The following CYB5R4 variants were observed in gnomAD, a reference collection of about 807,000 sequenced individuals.
CYB5R4 encodes N-terminal cytochrome b5 and cytochrome b5 oxidoreductase domain-containing protein.
In CYB5R4, 55 loss-of-function variants were observed where a neutral mutation model predicts 70.2. The ratio of observed to expected loss-of-function variants is 0.78; its 90% confidence interval spans 0.63 to 0.98. The LOEUF (loss-of-function observed/expected upper bound fraction) is 0.98. Among genes scored for constraint, CYB5R4 ranks in the 50% least tolerant of loss-of-function variants. The probability of loss-of-function intolerance (pLI) is 0.00; values close to 1 mark genes in which losing one functional copy is unlikely to be tolerated. For missense variants in CYB5R4, 562 were observed against 612.6 expected (o/e 0.92, Z 0.87); for synonymous variants, 197 against 199.5 (o/e 0.99, Z 0.11).
At position 83,922,438 on chromosome 6, in the gene CYB5R4, G is replaced by A. The variant is rs777331832; in HGVS notation, c.659G>A (p.Gly220Glu). 4 of 1,612,358 alleles carry A rather than the reference G, an allele frequency of 2.5e-6. No individual in the cohort carries two copies. Among genetic ancestry groups the A allele is most frequent in the Non-Finnish European group, 3.4e-6 (4 of 1,179,320 alleles). The change falls in exon 9 of 16, where the codon GGG (glycine) becomes GAG (glutamate). Residue 220 changes from glycine (G) to glutamate (E), a missense_variant and splice_region_variant. Coordinates refer to ENST00000369681, the MANE Select transcript of CYB5R4 (RefSeq NM_016230.4). ...AACTAAATAAATTTGTCTGTCCTAGGGCTAAGCCATGAGGTTCAGGAAGAT... is the reference window on the plus strand; with the variant it reads ...AACTAAATAAATTTGTCTGTCCTAGAGCTAAGCCATGAGGTTCAGGAAGAT... ...IKDCLYLIHI[G>E]LSHEVQEDFS...
rs1337531186 is a variant in CYB5R4 at position 83,940,180 on chromosome 6, T to C, written c.1233T>C (p.Tyr411=). Residue 411 remains tyrosine (Y), a synonymous_variant, in exon 13 of 16, where the codon TAT becomes TAC. Transcript: ENST00000369681. Reference sequence around the variant, plus strand: ...CACCAATGGTTAAAATACTGAATTATGCTTTGACTGATATACCCAGTCTCA... The same window carrying C: ...CACCAATGGTTAAAATACTGAATTACGCTTTGACTGATATACCCAGTCTCA... ...GFTPMVKILN[Y]ALTDIPSLRK... is the part of the protein sequence containing the mutation. 1.9e-6 allele frequency: 3 copies of C among 1,609,616 alleles called. No homozygotes were observed. The highest frequency in any genetic ancestry group is 8.5e-7 in the Non-Finnish European group (1 of 1,177,826).
intron 9 of CYB5R4, 140 bp downstream of exon 9, chr6:83,922,610 A>G (rs2099466565): frequency 3.3e-6 from 2 of 612,838 alleles, no homozygotes; most frequent in Non-Finnish European, 2.8e-6. Context: ...CAAAGATGTG[A>G]TGTTTTCTCT....
At chr6:83,916,447 GCTT>G (rs2099465528) in intron 5 of CYB5R4, among the ~76,000 whole-genome samples, 1 of 152,096 alleles carries the variant, frequency 6.6e-6, no homozygotes, top group African/African-American at 2.4e-5. Context: ...ATCTTTCAGT[GCTT>G]CTTAATTTAA....
chr6:83,860,319 G>A (rs1267796214), intron 1 of CYB5R4, among the ~76,000 whole-genome samples: 8 of 152,136 alleles, frequency 5.3e-5, no homozygotes, highest in Non-Finnish European at 2.9e-5. Context: ...GTCCGTGCAA[G>A]GATGGGGACT....
intron 2 of CYB5R4, among the ~76,000 whole-genome samples, chr6:83,868,688 T>G (rs2099457111): frequency 6.6e-6 from 1 of 152,220 alleles, no homozygotes; most frequent in Non-Finnish European, 1.5e-5. Context: ...CTCCCTCTCT[T>G]TCTCAAGAAC....
intron 10 of CYB5R4, among the ~76,000 whole-genome samples, chr6:83,930,422 A>C (rs1049488235): frequency 6.6e-6 from 1 of 152,210 alleles, no homozygotes; most frequent in Non-Finnish European, 1.5e-5. Context: ...TCATTTCAGC[A>C]ACATTTCACA....
Position 83,864,336 on chromosome 6 carries a change from G to A in CYB5R4, c.229+8G>A. 2 of 1,604,246 alleles carry A rather than the reference G, an allele frequency of 1.2e-6. No individual in the cohort carries two copies. The highest frequency in any genetic ancestry group is 1.1e-5 in the South Asian group (1 of 89,138). Reference sequence around the variant, plus strand: ...GTTGGATATGCATAAGAGGTAGGTGGTATTTATTAAGTCCTTCAAAAAATG... The same window carrying A: ...GTTGGATATGCATAAGAGGTAGGTGATATTTATTAAGTCCTTCAAAAAATG... On this transcript the variant is annotated splice_region_variant and intron_variant, in intron 2 of 15. Coordinates refer to ENST00000369681, the MANE Select transcript of CYB5R4 (RefSeq NM_016230.4).
At chr6:83,901,586 T>G (rs1005519294) in intron 3 of CYB5R4, among the ~76,000 whole-genome samples, 5 of 152,198 alleles carry the variant, frequency 3.3e-5, no homozygotes, top group African/African-American at 1.2e-4. Context: ...CCCCGTCACT[T>G]TCAGGTACAC....
At position 83,933,183 on chromosome 6, in the gene CYB5R4, C is replaced by T. The variant is rs371828965; in HGVS notation, c.815-1412C>T. 2.1e-3 allele frequency among the ~76,000 whole-genome samples: 325 copies of T among 152,200 alleles called. 12 individuals carry two copies. In the South Asian group the frequency reaches 0.065, roughly 31 times the overall value. On this transcript the variant is annotated intron_variant, in intron 10 of 15. Coordinates refer to ENST00000369681, the MANE Select transcript of CYB5R4 (RefSeq NM_016230.4). ...TTAGTCCAGTGCTTGTTAGGCCTTCCGGGATAACTTTAGGGTGGGCTCTTA... is the reference window on the plus strand; with the variant it reads ...TTAGTCCAGTGCTTGTTAGGCCTTCTGGGATAACTTTAGGGTGGGCTCTTA...
chr6:83,942,286 T>C (rs2099469886), intron 14 of CYB5R4, among the ~76,000 whole-genome samples: 1 of 152,038 alleles, frequency 6.6e-6, no homozygotes, highest in Non-Finnish European at 1.5e-5. Flanking sequence ...GTTCATCTCA[T>C]TGGGACTGAT....
At chr6:83,873,095 A>G (rs1446887443) in intron 2 of CYB5R4, among the ~76,000 whole-genome samples, 1 of 152,208 alleles carries the variant, frequency 6.6e-6, no homozygotes, top group African/African-American at 2.4e-5. Flanking sequence ...AAAGTTAATC[A>G]TGCTTTAGCA....
At chr6:83,891,459 T>A (rs1384937190) in intron 2 of CYB5R4, among the ~76,000 whole-genome samples, 1 of 152,130 alleles carries the variant, frequency 6.6e-6, no homozygotes, top group Non-Finnish European at 1.5e-5. Flanking sequence ...GAAATACTTT[T>A]GAGAAGGAAA....
At chr6:83,862,430 A>T (rs146597841) in intron 1 of CYB5R4, among the ~76,000 whole-genome samples, 310 of 152,380 alleles carry the variant, frequency 2.0e-3, no homozygotes, top group African/African-American at 6.9e-3. Flanking sequence ...TGGTATGACC[A>T]CTAAGGAGTT....
intron 5 of CYB5R4, among the ~76,000 whole-genome samples, chr6:83,916,274 A>G (rs2099465498): frequency 6.6e-6 from 1 of 152,130 alleles, no homozygotes; most frequent in Non-Finnish European, 1.5e-5. Flanking sequence ...GCTTAAGTAT[A>G]GATTTTCTGG....
intron 3 of CYB5R4, among the ~76,000 whole-genome samples, chr6:83,899,212 A>T (rs962091603): frequency 6.6e-6 from 1 of 152,168 alleles, no homozygotes; most frequent in Non-Finnish European, 1.5e-5. Flanking sequence ...TTCTGCATCT[A>T]TTGAGATAAT....
At chr6:83,869,609 A>T (rs543925519) in intron 2 of CYB5R4, among the ~76,000 whole-genome samples, 1 of 152,334 alleles carries the variant, frequency 6.6e-6, no homozygotes, top group East Asian at 1.9e-4. Flanking sequence ...CAGGCGGATC[A>T]CCTGAGGTCA....
chr6:83,957,519 G>A (rs1477427655), intron 15 of CYB5R4, among the ~76,000 whole-genome samples: 2 of 151,316 alleles, frequency 1.3e-5, no homozygotes, highest in Admixed American at 1.3e-4. Context: ...TACTTGGGAG[G>A]CTGAGGCAGG....
At chr6:83,900,950 GC>G (rs771267409) in intron 3 of CYB5R4, among the ~76,000 whole-genome samples, 1 of 152,182 alleles carries the variant, frequency 6.6e-6, no homozygotes, top group Non-Finnish European at 1.5e-5. Context: ...TTTAATTGGA[GC>G]ATTCAGCCCA....
chr6:83,870,575 A>G (rs985553193), intron 2 of CYB5R4, among the ~76,000 whole-genome samples: 5 of 151,968 alleles, frequency 3.3e-5, no homozygotes, highest in Non-Finnish European at 5.9e-5. Flanking sequence ...ATTTGGAACT[A>G]ATGTTTTAAT....
Sources: gnomAD v4.1 joint callset for allele counts (sites outside exome capture counted in the v4.1 genomes callset) on GRCh38, gnomAD v4.1.1 for gene constraint, MANE v1.5 for transcripts, NCBI Gene and HGNC (gene_info 2026-07-23, HGNC 2026-07-21) for gene names.